The following PRKAB1 variants were observed in gnomAD, a reference collection of about 807,000 sequenced individuals.
The protein encoded by PRKAB1 is 5'-AMP-activated protein kinase subunit beta-1.
In PRKAB1, 18 loss-of-function variants were observed where a neutral mutation model predicts 32.0. That is an observed-to-expected ratio of 0.56 (90% CI 0.39 to 0.83). The LOEUF is 0.83. Ranked by LOEUF, PRKAB1 falls within the 40% of genes least tolerant of loss-of-function variation. The pLI is 0.00. For synonymous variants in PRKAB1, 141 were observed against 141.4 expected, an observed-to-expected ratio of 1.00 and a Z score of 0.02; for missense variants, 263 against 352.6, an observed-to-expected ratio of 0.75 and a Z score of 2.03.
At chr12:119,680,209 C>T in intron 6 of PRKAB1, 39 bp from the exon 7 acceptor site, 1 of 1,591,616 alleles carries the variant, frequency 6.3e-7, no homozygotes, top group Non-Finnish European at 8.6e-7. Flanking sequence ...GCTTGAGCCC[C>T]TTAGTCCAGC....
At position 119,680,330 on chromosome 12, in the gene PRKAB1, C is replaced by G. The variant is rs1476609298; in HGVS notation, c.*5C>G. The G allele has an allele frequency of 6.2e-7, 1 of 1,613,256 alleles. No homozygotes were observed. The highest frequency in any genetic ancestry group is 1.1e-5 in the South Asian group (1 of 91,022). The stretch of plus-strand genomic sequence containing the variant: ...TTGTTATACAAGCCCATATGAAGAG[C>G]TGGGGGCGGATGGTGGCCCAGGAGA... On this transcript the variant is annotated 3_prime_UTR_variant, in exon 7 of 7. Coordinates refer to ENST00000229328, the MANE Select transcript of PRKAB1 (RefSeq NM_006253.5).
At chr12:119,670,732 A>G (rs1398011159) in intron 1 of PRKAB1, among the ~76,000 whole-genome samples, 1 of 152,226 alleles carries the variant, frequency 6.6e-6, no homozygotes, top group Non-Finnish European at 1.5e-5. Flanking sequence ...AGTTACTGAA[A>G]TCCCCAGATA....
chr12:119,677,761 G>GTTTTTTTTTTTTTTTTTTTTTTTTTT, intron 5 of PRKAB1: 1 of 99,554 alleles, frequency 1.0e-5, no homozygotes, highest in Non-Finnish European at 1.9e-5. Flanking sequence ...AGTGAGGTTT[G>GTTTTTTTTTTTTTTTTTTTTTTTTTT]TTTTTTTTTT....
intron 2 of PRKAB1, 55 bp from the exon 3 acceptor site, chr12:119,673,909 A>G (rs1290493269): frequency 2.0e-6 from 3 of 1,473,284 alleles, no homozygotes; most frequent in Middle Eastern, 1.7e-4. Context: ...TTTGGCAAGT[A>G]AGCTCGGGGG....
Position 119,674,405 on chromosome 12 carries a change from A to G in PRKAB1, c.483A>G (p.Glu161=). Reference sequence around the variant, plus strand: ...TTCAAGTGAAGAAAACTGACTTTGAAGTATTTGATGCTTTAATGGTGGATT... The same window carrying G: ...TTCAAGTGAAGAAAACTGACTTTGAGGTATTTGATGCTTTAATGGTGGATT... ...NIIQVKKTDF[E]VFDALMVDSQ... The change falls in exon 4 of 7, where the codon GAA becomes GAG. Residue 161 remains glutamate, a synonymous_variant. Coordinates refer to ENST00000229328, the MANE Select transcript of PRKAB1 (RefSeq NM_006253.5). This position sits in a 1 kb window ranked among gnomAD's most constrained non-coding sequence, Gnocchi z 4.3. The G allele has an allele frequency of 6.2e-7, 1 of 1,614,186 alleles. No individual in the cohort carries two copies. Among genetic ancestry groups the G allele is most frequent in the Non-Finnish European group, 8.5e-7 (1 of 1,180,014 alleles).
intron 1 of PRKAB1, chr12:119,671,640 C>A (rs906048163): frequency 4.0e-6 from 1 of 252,462 alleles, no homozygotes; most frequent in East Asian, 1.2e-4. Flanking sequence ...GCCCTTGACA[C>A]GTGGGGATTA....
intron 1 of PRKAB1, chr12:119,671,482 C>A: frequency 2.7e-6 from 1 of 373,158 alleles, no homozygotes; most frequent in South Asian, 2.0e-5. Context: ...TGGTAAAAGG[C>A]ACCTCTTCAC....
At chr12:119,677,600 C>G (rs1043721089) in intron 5 of PRKAB1, 12 of 152,536 alleles carry the variant, frequency 7.9e-5, no homozygotes, top group Non-Finnish European at 1.3e-4. Context: ...CTTTCCAGCA[C>G]TGAGTTGGCA....
Position 119,672,302 on chromosome 12 carries a change from C to T in PRKAB1, c.161C>T (p.Ala54Val), listed in dbSNP as rs1955393575. The change falls in exon 2 of 7, where the codon GCA becomes GTA. Residue 54 changes from alanine (A) to valine (V), a missense_variant and splice_region_variant. By Grantham distance (64) the Ala-to-Val change is moderately conservative. Coordinates refer to ENST00000229328, the MANE Select transcript of PRKAB1 (RefSeq NM_006253.5). ...CTGAGTAAACTGCTCTGCTTCTAGG[C>T]ACCAGAGAAGGAGGAATTCCTGGCC... Reference protein sequence around the residue: ...ADLFHSEEIKAPEKEEFLAWQ... With the variant: ...ADLFHSEEIKVPEKEEFLAWQ... The T allele has an allele frequency of 6.2e-7, 1 of 1,604,372 alleles. No homozygotes were observed. The highest frequency in any genetic ancestry group is 8.5e-7 in the Non-Finnish European group (1 of 1,175,614).
In PRKAB1 at chr12:119,681,617, T is replaced by C. The variant is rs1201491568; in HGVS notation, c.*1292T>C. The stretch of plus-strand genomic sequence containing the variant: ...AAGTTTCAATAAAACTTTGTAAAAA[T>C]AATTGGACATGTGCCTGGAGGAGCT... On this transcript the variant is annotated 3_prime_UTR_variant, in exon 7 of 7. Transcript: ENST00000229328. 6.6e-6 allele frequency: 1 copy of C among 152,142 alleles called. No individual in the cohort carries two copies. The highest frequency in any genetic ancestry group is 1.5e-5 in the Non-Finnish European group (1 of 68,044). 9.4% of individuals were successfully genotyped at this position (152,142 alleles called of 1,614,324 possible).
At position 119,674,242 on chromosome 12, in the gene PRKAB1, C is replaced by A; in HGVS notation, c.418-98C>A. On this transcript the variant is annotated intron_variant, in intron 3 of 6. Coordinates refer to ENST00000229328, the MANE Select transcript of PRKAB1 (RefSeq NM_006253.5). This position sits in a 1 kb window ranked among gnomAD's most constrained non-coding sequence, Gnocchi z 4.3. Reference sequence around the variant, plus strand: ...GACCAAGATGAGCAGGGTGGCTAGCCAGGAGATGAGGCCTTCCAGCCAGGA... The same window carrying A: ...GACCAAGATGAGCAGGGTGGCTAGCAAGGAGATGAGGCCTTCCAGCCAGGA... The A allele has an allele frequency of 1.8e-6, 2 of 1,107,388 alleles. No homozygotes were observed. Among genetic ancestry groups the A allele is most frequent in the Non-Finnish European group, 2.7e-6 (2 of 748,370 alleles). 68.6% of individuals were successfully genotyped at this position (1,107,388 alleles called of 1,614,324 possible).
intron 2 of PRKAB1, among the ~76,000 whole-genome samples, chr12:119,673,478 G>A (rs949269293): frequency 5.3e-5 from 8 of 152,284 alleles, no homozygotes; most frequent in Middle Eastern, 6.8e-3. Flanking sequence ...TTCAAGCCAG[G>A]GGACAAAACA....
intron 4 of PRKAB1, among the ~76,000 whole-genome samples, chr12:119,675,080 G>A (rs1419355061): frequency 6.6e-6 from 1 of 152,194 alleles, no homozygotes; most frequent in Non-Finnish European, 1.5e-5. Context: ...AAGCCCCACA[G>A]GAAGAAACTA....
At chr12:119,670,792 A>G (rs188369561) in intron 1 of PRKAB1, among the ~76,000 whole-genome samples, 1 of 152,350 alleles carries the variant, frequency 6.6e-6, no homozygotes, top group African/African-American at 2.4e-5. Context: ...TATTTTGGTC[A>G]TAATTAGTTA....
rs1331561507 is a variant in PRKAB1, at chr12:119,680,541, G to C, written c.*216G>C. ...GTCCTCCTAGCACCCCCATGGCTTT[G>C]AGCCTCGGGGACTCATCAAGTCCAA... On this transcript the variant is annotated 3_prime_UTR_variant, in exon 7 of 7. Coordinates refer to ENST00000229328, the MANE Select transcript of PRKAB1 (RefSeq NM_006253.5). 1.7e-6 allele frequency: 1 copy of C among 579,826 alleles called. No homozygotes were observed. The highest frequency in any genetic ancestry group is 2.8e-5 in the East Asian group (1 of 35,108). 35.9% of individuals were successfully genotyped at this position (579,826 alleles called of 1,614,324 possible).
Position 119,679,874 on chromosome 12 carries a change from A to G in PRKAB1, c.667-59A>G, listed in dbSNP as rs1955451193. ...TTTGATATCTGGCACTGGGAAGTAA[A>G]GGGGAGAATCTTGGTTTCCAAATCC... is the stretch of plus-strand genomic sequence containing the variant. On this transcript the variant is annotated intron_variant, in intron 5 of 6. Transcript: ENST00000229328. The surrounding 1 kb of genome is among the most constrained non-coding windows in gnomAD (Gnocchi z 4.1). 6.4e-7 allele frequency: 1 copy of G among 1,550,424 alleles called. No individual in the cohort carries two copies. The highest frequency in any genetic ancestry group is 1.1e-5 in the South Asian group (1 of 89,646).
chr12:119,668,113 G>T, upstream of PRKAB1: 3 of 1,138,688 alleles, frequency 2.6e-6, no homozygotes, highest in Non-Finnish European at 3.5e-6. Flanking sequence ...GGCCCGAGGG[G>T]CGTGGTGTCC....
chr12:119,677,816 G>A (rs1317375988), intron 5 of PRKAB1: 1 of 145,350 alleles, frequency 6.9e-6, no homozygotes, highest in Non-Finnish European at 1.5e-5. Context: ...CCAGGCTGGA[G>A]TGCTGTGGTG....
rs779157494 is a variant in PRKAB1, at chr12:119,668,282, G to T, written c.38G>T (p.Arg13Leu). The T allele has an allele frequency of 1.9e-6, 3 of 1,610,002 alleles. No individual in the cohort carries two copies. Among genetic ancestry groups the T allele is most frequent in the Non-Finnish European group, 2.5e-6 (3 of 1,178,486 alleles). Residue 13 changes from arginine (R) to leucine (L), a missense_variant, in exon 1 of 7, where the codon CGG becomes CTG. Coordinates refer to ENST00000229328, the MANE Select transcript of PRKAB1 (RefSeq NM_006253.5). ...NTSSERAALE[R>L]HGGHKTPRRD... ...AGCAGTGAGCGCGCCGCGCTGGAGC[G>T]GCATGGTGGCCATAAGACGCCCCGG...
Sources: allele counts gnomAD v4.1 joint callset (sites outside exome capture counted in the v4.1 genomes callset), GRCh38; gene constraint gnomAD v4.1.1; non-coding constraint Gnocchi (gnomAD v3.1); transcripts MANE v1.5; gene names NCBI Gene and HGNC (gene_info 2026-07-23, HGNC 2026-07-21).